Variants in EIF4E3 observed in about 807,000 individuals in gnomAD.
The protein encoded by EIF4E3 is eukaryotic translation initiation factor 4E family member 3.
In EIF4E3, 26 loss-of-function variants were observed where a neutral mutation model predicts 31.7. The observed-to-expected ratio is 0.82, with a 90% confidence interval of 0.60 to 1.14. The LOEUF (loss-of-function observed/expected upper bound fraction) is 1.14, where lower values mean the gene tolerates loss of function less well. Ranked by LOEUF, EIF4E3 falls within the 50% of genes most tolerant of loss-of-function variation. EIF4E3 has a pLI of 0.00. For synonymous variants in EIF4E3, 128 were observed against 107.7 expected, an observed-to-expected ratio of 1.19 and a Z score of -1.17; for missense variants, 304 against 270.9, an observed-to-expected ratio of 1.12 and a Z score of -0.86.
chr3:71,691,529 G>A (rs1352320485), intron 5 of EIF4E3, among the ~76,000 whole-genome samples: 1 of 152,160 alleles, frequency 6.6e-6, no homozygotes, highest in Non-Finnish European at 1.5e-5. Flanking sequence ...AGCCTATAAT[G>A]TTAGAAGTTA....
chr3:71,667,506 A>G, the EIF4E3 span, among the ~76,000 whole-genome samples: 2 of 152,298 alleles, frequency 1.3e-5, no homozygotes. Context: ...AAAACCCCCC[A>G]TTGTCTCAGC....
chr3:71,695,001 C>T (rs1049011973), intron 4 of EIF4E3, among the ~76,000 whole-genome samples: 1 of 152,190 alleles, frequency 6.6e-6, no homozygotes, highest in African/African-American at 2.4e-5. Flanking sequence ...AAGCTTAAAG[C>T]AGTCTCGCTG....
At chr3:71,696,229 C>T (rs145238602) in intron 4 of EIF4E3, among the ~76,000 whole-genome samples, 211 of 152,336 alleles carry the variant, frequency 1.4e-3, no homozygotes, top group East Asian at 7.5e-3. Flanking sequence ...CTCCTGCAGA[C>T]TGCATGATAC....
intron 5 of EIF4E3, 72 bp from the exon 6 acceptor site, chr3:71,690,237 G>C: frequency 4.9e-6 from 7 of 1,443,004 alleles, no homozygotes; most frequent in Non-Finnish European, 5.5e-6. Flanking sequence ...TAAGAACTTA[G>C]TCTTTTTATC....
chr3:71,717,479 C>T (rs753024936), intron 1 of EIF4E3, among the ~76,000 whole-genome samples: 2 of 152,206 alleles, frequency 1.3e-5, no homozygotes, highest in Admixed American at 6.5e-5. Flanking sequence ...CAGGCAAGGG[C>T]TCTCTTCTTT....
At chr3:71,747,286 C>T (rs922333935) in intron 1 of EIF4E3, among the ~76,000 whole-genome samples, 1 of 152,210 alleles carries the variant, frequency 6.6e-6, no homozygotes, top group Non-Finnish European at 1.5e-5. Context: ...TCATCACCAA[C>T]ACCTGTTATC....
chr3:71,696,836 C>T (rs1012608440), intron 3 of EIF4E3, among the ~76,000 whole-genome samples: 2 of 151,368 alleles, frequency 1.3e-5, no homozygotes, highest in African/African-American at 4.9e-5. Context: ...CTGCCTCAGC[C>T]TCCCAAGTAG....
chr3:71,730,591 T>C (rs2049694960), intron 1 of EIF4E3, among the ~76,000 whole-genome samples: 1 of 152,314 alleles, frequency 6.6e-6, no homozygotes, highest in African/African-American at 2.4e-5. Context: ...CATGTGGTCA[T>C]TGAGCCTGGA....
intron 1 of EIF4E3, among the ~76,000 whole-genome samples, chr3:71,717,991 C>T (rs1277673427): frequency 6.6e-6 from 1 of 152,212 alleles, no homozygotes; most frequent in Admixed American, 6.5e-5. Context: ...TACACAGGCA[C>T]ACAATAAATG....
At chr3:71,690,961 AT>A (rs1310114462) in intron 5 of EIF4E3, among the ~76,000 whole-genome samples, 1 of 152,188 alleles carries the variant, frequency 6.6e-6, no homozygotes, top group African/African-American at 2.4e-5. Flanking sequence ...AAAATTCCAG[AT>A]TAGGGCTGTC....
chr3:71,696,460 C>T lies in EIF4E3; in HGVS notation c.405G>A (p.Thr135=), dbSNP rs530682446. 2.5e-6 allele frequency: 4 copies of T among 1,614,080 alleles called. No individual in the cohort carries two copies. Among genetic ancestry groups the T allele is most frequent in the African/African-American group, 2.7e-5 (2 of 75,026 alleles). ...VWKMKVPKDS[T]STVWKELLLA... ...TAGAAGAGGATCAGTAGGAACCTAC[C>T]GTGCTGTCCTTGGGGACTTTCATCT... The change falls in exon 4 of 7, where the codon ACG becomes ACA. Residue 135 remains threonine (T), a splice_region_variant and synonymous_variant. Transcript: ENST00000425534.
downstream of EIF4E3, among the ~76,000 whole-genome samples, chr3:71,672,783 T>C (rs1382086957): frequency 6.6e-6 from 1 of 152,154 alleles, no homozygotes; most frequent in Non-Finnish European, 1.5e-5. Context: ...AACATCTTTT[T>C]TCTTTTTTTT....
At chr3:71,692,624 C>T (rs1425175895) in intron 5 of EIF4E3, among the ~76,000 whole-genome samples, 1 of 148,548 alleles carries the variant, frequency 6.7e-6, no homozygotes, top group African/African-American at 2.5e-5. Context: ...GAAACAGGGT[C>T]TCACTCTGTC....
Position 71,681,799 on chromosome 3 carries a change from T to C in EIF4E3, c.*2883A>G, listed in dbSNP as rs1559584680. 2 of 152,232 alleles carry C rather than the reference T, an allele frequency of 1.3e-5. No individual in the cohort carries two copies. The highest frequency in any genetic ancestry group is 2.9e-5 in the Non-Finnish European group (2 of 68,040). 9.4% of individuals were successfully genotyped at this position (152,232 alleles called of 1,614,324 possible). A position where few individuals can be genotyped will look rare whatever the true frequency, so the allele number is the denominator to read the frequency against. ...TTTCTAAGCTATAAAGTCTTGTGAC[T>C]GTGTGCATGGTGTAGACATGGGCTA... On this transcript the variant is annotated 3_prime_UTR_variant, in exon 7 of 7. Coordinates refer to ENST00000425534, the MANE Select transcript of EIF4E3 (RefSeq NM_001134651.2).
intron 5 of EIF4E3, among the ~76,000 whole-genome samples, chr3:71,692,595 CTTCTT>C (rs1559591273): frequency 7.3e-6 from 1 of 136,452 alleles, no homozygotes; most frequent in Admixed American, 8.0e-5. Context: ...TAACCCAGGT[CTTCTT>C]TTTTTTTTTT....
At chr3:71,753,951 C>T, upstream of EIF4E3, 6 of 1,021,594 alleles carry the variant, frequency 5.9e-6, no homozygotes, top group Non-Finnish European at 7.0e-6. Flanking sequence ...GGAGCTCGCC[C>T]AGGGCCGGCG....
chr3:71,718,229 A>G (rs71298399), intron 1 of EIF4E3, among the ~76,000 whole-genome samples: 1 of 152,154 alleles, frequency 6.6e-6, no homozygotes, highest in African/African-American at 2.4e-5. Flanking sequence ...CACTCCATTA[A>G]AGATGATTTC....
chr3:71,737,303 G>C (rs1028404962), intron 1 of EIF4E3, among the ~76,000 whole-genome samples: 3 of 152,156 alleles, frequency 2.0e-5, no homozygotes, highest in African/African-American at 4.8e-5. Context: ...TTCAAGTTAT[G>C]CCCTAAATGT....
At chr3:71,705,976 C>A (rs2049288334) in intron 2 of EIF4E3, among the ~76,000 whole-genome samples, 1 of 152,088 alleles carries the variant, frequency 6.6e-6, no homozygotes, top group South Asian at 2.1e-4. Context: ...TGCAAAATCA[C>A]AAGAGAAATG....
Sources: gnomAD v4.1 joint callset for allele counts (sites outside exome capture counted in the v4.1 genomes callset) on GRCh38, gnomAD v4.1.1 for gene constraint, MANE v1.5 for transcripts, NCBI Gene and HGNC (gene_info 2026-07-23, HGNC 2026-07-21) for gene names.